Variants in NAALADL2 observed in about 807,000 individuals in gnomAD.
The protein encoded by NAALADL2 is inactive N-acetylated-alpha-linked acidic dipeptidase-like protein 2.
NAALADL2 carries 76 observed loss-of-function variants against 87.2 expected under a neutral mutation model. The observed-to-expected ratio is 0.87, with a 90% CI of 0.72 to 1.05. The LOEUF (loss-of-function observed/expected upper bound fraction) is 1.05. Ranked by LOEUF, NAALADL2 falls within the 50% of genes least tolerant of loss-of-function variation. The pLI is 0.00. For missense variants in NAALADL2, 1,089 were observed against 945.8 expected, an observed-to-expected ratio of 1.15 and a Z score of -1.99; for synonymous variants, 354 against 331.0, an observed-to-expected ratio of 1.07 and a Z score of -0.75.
chr3:175,704,902 G>A (rs189736353), intron 11 of NAALADL2, among the ~76,000 whole-genome samples: 4 of 152,260 alleles, frequency 2.6e-5, no homozygotes, highest in Admixed American at 1.3e-4. Flanking sequence ...TGAAAGCATC[G>A]TGCACACATT....
At chr3:174,814,277 T>C (rs1001431686) in intron 3 of NAALADL2, among the ~76,000 whole-genome samples, 1 of 151,810 alleles carries the variant, frequency 6.6e-6, no homozygotes, top group Non-Finnish European at 1.5e-5. Context: ...CCTGGCTAAT[T>C]TTTGTATTTT....
At chr3:175,509,049 G>T (rs1436453794) in intron 9 of NAALADL2, among the ~76,000 whole-genome samples, 1 of 151,668 alleles carries the variant, frequency 6.6e-6, no homozygotes, top group African/African-American at 2.4e-5. Context: ...CCAGGAGACG[G>T]ACGTTGTAGT....
At chr3:174,865,505 T>C (rs185873190) in intron 1 of NAALADL2, among the ~76,000 whole-genome samples, 24 of 152,134 alleles carry the variant, frequency 1.6e-4, no homozygotes, top group Admixed American at 5.2e-4. Context: ...CCTCTTTATT[T>C]ATGACCTTTA....
intron 1 of NAALADL2, among the ~76,000 whole-genome samples, chr3:175,048,390 CTT>C (rs1364290193): frequency 1.3e-5 from 2 of 152,014 alleles, no homozygotes; most frequent in Non-Finnish European, 2.9e-5. Context: ...CCCCAAAGCC[CTT>C]TTTCTTGTGT....
chr3:175,522,711 T>A (rs558694088), intron 9 of NAALADL2, among the ~76,000 whole-genome samples: 1 of 152,348 alleles, frequency 6.6e-6, no homozygotes, highest in African/African-American at 2.4e-5. Flanking sequence ...TCAGTACACA[T>A]TTAGTATACA....
intron 1 of NAALADL2, among the ~76,000 whole-genome samples, chr3:174,932,184 C>A (rs1441521355): frequency 6.6e-6 from 1 of 152,150 alleles, no homozygotes; most frequent in Non-Finnish European, 1.5e-5. Context: ...TAGAGCATTT[C>A]ATTGCTTTCT....
chr3:175,362,834 G>A (rs1765183878), intron 5 of NAALADL2, among the ~76,000 whole-genome samples: 1 of 147,454 alleles, frequency 6.8e-6, no homozygotes, highest in South Asian at 2.2e-4. Flanking sequence ...CTGCATCCAT[G>A]CCAACATCTG....
At chr3:175,054,326 G>T (rs547818997) in intron 1 of NAALADL2, among the ~76,000 whole-genome samples, 2 of 152,266 alleles carry the variant, frequency 1.3e-5, no homozygotes, top group South Asian at 4.2e-4. Flanking sequence ...TCACAGTCTT[G>T]CTCATCTAAA....
At chr3:175,654,987 T>C (rs917301954) in intron 11 of NAALADL2, among the ~76,000 whole-genome samples, 2 of 151,940 alleles carry the variant, frequency 1.3e-5, no homozygotes, top group African/African-American at 4.8e-5. Flanking sequence ...ACTGGAGAGA[T>C]GAATTGTTCG....
rs116335858 is a variant in NAALADL2, at chr3:175,788,479, T to G, written c.2190-14526T>G. Among the ~76,000 whole-genome samples, 1,491 of 152,260 alleles carry G rather than the reference T, an allele frequency of 9.8e-3. 22 individuals carry two copies. Among genetic ancestry groups the G allele is most frequent in the African/African-American group, 0.034 (1,425 of 41,544 alleles). On this transcript the variant is annotated intron_variant, in intron 13 of 13. Coordinates refer to ENST00000454872, the MANE Select transcript of NAALADL2 (RefSeq NM_207015.3). ...ACAAATATTTACCATTGTGTTATAA[T>G]TGCCTACAGTATTCAGTACAGTGCA...
intron 1 of NAALADL2, among the ~76,000 whole-genome samples, chr3:174,967,832 G>A (rs992855694): frequency 1.3e-5 from 2 of 152,168 alleles, no homozygotes; most frequent in Admixed American, 6.5e-5. Flanking sequence ...ACAGAATTGT[G>A]AACAAATAAA....
chr3:174,716,720 A>G lies in NAALADL2; in HGVS notation c.-114-20921A>G, dbSNP rs753010319. On this transcript the variant is annotated intron_variant, in intron 2 of 3. Transcript: ENST00000434257. ...ACAGGCTGGACATGTGTGTATATAC[A>G]TATATATCCACACACCTACACACAT... Among the ~76,000 whole-genome samples, 16 of 152,164 alleles carry G rather than the reference A, an allele frequency of 1.1e-4. No individual in the cohort carries two copies. The South Asian group carries it at 3.3e-3, about 32-fold the overall frequency.
chr3:175,615,873 T>A (rs1725279462), intron 10 of NAALADL2, among the ~76,000 whole-genome samples: 1 of 147,712 alleles, frequency 6.8e-6, no homozygotes, highest in South Asian at 2.1e-4. Flanking sequence ...TATATATATA[T>A]ATGTATAATA....
chr3:175,181,908 A>G (rs1473290664), intron 2 of NAALADL2, among the ~76,000 whole-genome samples: 5 of 151,352 alleles, frequency 3.3e-5, no homozygotes, highest in African/African-American at 7.3e-5. Context: ...TCATTTGGAT[A>G]TATACCTAGG....
At chr3:175,448,300 C>T (rs1721014182) in intron 6 of NAALADL2, among the ~76,000 whole-genome samples, 1 of 152,192 alleles carries the variant, frequency 6.6e-6, no homozygotes, top group Non-Finnish European at 1.5e-5. Flanking sequence ...AGTGCAGAAG[C>T]ACTCGAGGAG....
intron 5 of NAALADL2, among the ~76,000 whole-genome samples, chr3:175,431,061 T>C (rs1717670782): frequency 1.3e-5 from 2 of 152,094 alleles, no homozygotes; most frequent in African/African-American, 4.8e-5. Flanking sequence ...TACTGAAAAA[T>C]GGATTCAACT....
At chr3:175,597,858 A>T (rs1432826857) in intron 10 of NAALADL2, among the ~76,000 whole-genome samples, 1 of 152,070 alleles carries the variant, frequency 6.6e-6, no homozygotes, top group Non-Finnish European at 1.5e-5. Flanking sequence ...AGTTTCTAGC[A>T]TAATGCTCCA....
chr3:174,835,692 T>A (rs1307581036), intron 3 of NAALADL2, among the ~76,000 whole-genome samples: 1 of 152,056 alleles, frequency 6.6e-6, no homozygotes, highest in Non-Finnish European at 1.5e-5. Flanking sequence ...AATGTGCAAA[T>A]AAGTTGAATA....
chr3:175,582,957 C>T (rs894020158), intron 10 of NAALADL2, among the ~76,000 whole-genome samples: 2 of 152,032 alleles, frequency 1.3e-5, no homozygotes, highest in African/African-American at 4.8e-5. Context: ...GATATGCTTG[C>T]GTGGAGTCAA....
Sources: allele counts gnomAD v4.1 joint callset (sites outside exome capture counted in the v4.1 genomes callset), GRCh38; gene constraint gnomAD v4.1.1; transcripts MANE v1.5; gene names NCBI Gene and HGNC (gene_info 2026-07-23, HGNC 2026-07-21).